Variants in SPINK5 observed in about 807,000 individuals in gnomAD.
SPINK5 encodes serine peptidase inhibitor Kazal type 5, also known as serine protease inhibitor Kazal-type 5.
Under a neutral mutation model 151.8 loss-of-function variants are expected in SPINK5, and 125 were observed. The ratio of observed to expected loss-of-function variants is 0.82; its 90% confidence interval spans 0.71 to 0.96. The LOEUF (loss-of-function observed/expected upper bound fraction) is 0.96, where lower values mean the gene tolerates loss of function less well. Ranked by LOEUF, SPINK5 falls within the 40% of genes least tolerant of loss-of-function variation. SPINK5 has a pLI of 0.00. For synonymous variants in SPINK5, 374 were observed against 395.3 expected, an observed-to-expected ratio of 0.95 and a Z score of 0.64; for missense variants, 1,194 against 1,291.9, an observed-to-expected ratio of 0.92 and a Z score of 1.16.
At chr5:148,102,030 C>A in intron 15 of SPINK5, 122 bp downstream of exon 15, 1 of 1,422,996 alleles carries the variant, frequency 7.0e-7, no homozygotes, top group Non-Finnish European at 9.7e-7. Context: ...TCTTGGGTGT[C>A]ATATTTAAAT....
At chr5:148,084,612 T>C (rs142721308) in intron 4 of SPINK5, among the ~76,000 whole-genome samples, 15 of 152,038 alleles carry the variant, frequency 9.9e-5, no homozygotes, top group South Asian at 2.1e-4. Context: ...TTGTTTTGAG[T>C]TAATTACTTT....
intron 1 of SPINK5, 93 bp downstream of exon 1, chr5:148,064,192 T>C: frequency 1.5e-6 from 2 of 1,323,694 alleles, no homozygotes; most frequent in Non-Finnish European, 2.2e-6. Context: ...CAAAAAATGT[T>C]TACGTATGCA....
intron 28 of SPINK5, chr5:148,125,476 A>C (rs1422452984): frequency 1.3e-6 from 2 of 1,548,378 alleles, no homozygotes; most frequent in African/African-American, 2.7e-5. Flanking sequence ...GGAGAAAAAA[A>C]CAGGAAGGTC....
At chr5:148,074,772 G>A (rs1259901892) in intron 4 of SPINK5, among the ~76,000 whole-genome samples, 1 of 151,660 alleles carries the variant, frequency 6.6e-6, no homozygotes, top group East Asian at 1.9e-4. Context: ...CTAAACTCAT[G>A]AGCATAGAAT....
intron 2 of SPINK5, among the ~76,000 whole-genome samples, chr5:148,068,578 A>AAGAAAG (rs1554101971): frequency 4.0e-5 from 3 of 74,390 alleles, no homozygotes; most frequent in Non-Finnish European, 6.7e-5. Flanking sequence ...AAAAAAAAAA[A>AAGAAAG]AAAGAAAGAA....
intron 4 of SPINK5, 78 bp downstream of exon 4, chr5:148,072,298 A>G: frequency 1.4e-6 from 2 of 1,458,956 alleles, no homozygotes; most frequent in Non-Finnish European, 1.9e-6. Flanking sequence ...TTATTCCTTA[A>G]TTACTAGGTC....
At chr5:148,088,464 C>A in intron 5 of SPINK5, 78 bp from the exon 6 acceptor site, 1 of 1,236,638 alleles carries the variant, frequency 8.1e-7, no homozygotes, top group Non-Finnish European at 1.2e-6. Flanking sequence ...AATGACAATG[C>A]AATGTAGAGC....
At chr5:148,135,659 A>G (rs1252476666) in intron 32 of SPINK5, among the ~76,000 whole-genome samples, 1 of 151,022 alleles carries the variant, frequency 6.6e-6, no homozygotes, top group African/African-American at 2.4e-5. Flanking sequence ...GATCTCGGGT[A>G]CAGTTGGTAC....
At position 148,112,989 on chromosome 5, in the gene SPINK5, C is replaced by G. The variant is rs1362414000; in HGVS notation, c.1887+55C>G. ...GAAAGGATGAGATTTTGCAGTATCT[C>G]TGTAAAAATAACTATGGAATTACTG... On this transcript the variant is annotated intron_variant, in intron 20 of 32. Transcript: ENST00000256084. 3 of 1,604,618 alleles carry G rather than the reference C, an allele frequency of 1.9e-6. No homozygotes were observed. In the African/African-American group the frequency reaches 4.0e-5, roughly 21 times the overall value.
intron 26 of SPINK5, among the ~76,000 whole-genome samples, chr5:148,123,414 T>TTATATATAGATAGATATTATCTATCTATA (rs1554106759): frequency 1.5e-5 from 2 of 134,954 alleles, no homozygotes; most frequent in African/African-American, 5.7e-5. Context: ...ATATAATATA[T>TTATATATAGATAGATATTATCTATCTATA]TATATATATA....
At chr5:148,076,517 T>TA (rs534676044) in intron 4 of SPINK5, among the ~76,000 whole-genome samples, 7 of 151,734 alleles carry the variant, frequency 4.6e-5, no homozygotes, top group Non-Finnish European at 8.8e-5. Flanking sequence ...TTAGTGAGGT[T>TA]AAAAAAATGT....
intron 10 of SPINK5, 133 bp downstream of exon 10, chr5:148,096,038 G>T: frequency 1.4e-6 from 1 of 706,370 alleles, no homozygotes; most frequent in Non-Finnish European, 2.4e-6. Context: ...TAGGTTTGCT[G>T]GAAACTAATT....
rs765752936 is a variant in SPINK5, at chr5:148,101,817, G to C, written c.1339G>C (p.Gly447Arg). Residue 447 changes from glycine to arginine, a missense_variant, in exon 15 of 33, where the codon GGA becomes CGA. By Grantham distance (125) the Gly-to-Arg change is moderately radical (BLOSUM62 -2). Coordinates refer to ENST00000256084, the MANE Select transcript of SPINK5 (RefSeq NM_006846.4). ...TGAATACCGCAAATCCAGGAAAAAC[G>C]GACGGCTTTTTTGCACCAGAGAGAA... ...CSEYRKSRKN[G>R]RLFCTRENDP... 3.1e-6 allele frequency: 5 copies of C among 1,613,720 alleles called. No individual in the cohort carries two copies. The South Asian group carries it at 5.5e-5, about 18-fold the overall frequency.
At chr5:148,090,962 A>G (rs1581069542) in intron 7 of SPINK5, 2 of 574,450 alleles carry the variant, frequency 3.5e-6, no homozygotes, top group Non-Finnish European at 6.2e-6. Flanking sequence ...AGTTTCCCAG[A>G]TAAGCTATTG....
intron 22 of SPINK5, among the ~76,000 whole-genome samples, chr5:148,117,903 G>A (rs1257053404): frequency 6.6e-6 from 1 of 152,026 alleles, no homozygotes; most frequent in Non-Finnish European, 1.5e-5. Flanking sequence ...ATTTCCTTGT[G>A]TAGATCCTTA....
intron 18 of SPINK5, among the ~76,000 whole-genome samples, chr5:148,111,492 A>G (rs959886041): frequency 2.0e-5 from 3 of 152,276 alleles, no homozygotes; most frequent in South Asian, 2.1e-4. Flanking sequence ...TCCTTTACCA[A>G]TTTAAGAGGC....
intron 26 of SPINK5, among the ~76,000 whole-genome samples, chr5:148,121,134 ACT>A (rs1754248901): frequency 1.0e-5 from 1 of 99,906 alleles, no homozygotes; most frequent in African/African-American, 3.7e-5. Context: ...ACAGAGCAAG[ACT>A]CTGTCTCAAA....
chr5:148,126,900 AT>A, intron 29 of SPINK5, 82 bp from the exon 30 acceptor site: 1 of 1,245,384 alleles, frequency 8.0e-7, no homozygotes, highest in Non-Finnish European at 1.1e-6. Context: ...CCTCTGTCAC[AT>A]TTTATGAGGA....
chr5:148,068,554 CAAAAAAAAAAAAAAAAAA>C (rs1166912306), intron 2 of SPINK5, among the ~76,000 whole-genome samples: 2 of 89,232 alleles, frequency 2.2e-5, no homozygotes, highest in African/African-American at 9.1e-5. Flanking sequence ...CCTGCCTCTC[CAAAAAAAAAAAAAAAAAA>C]AAAAAAAAAG....
Sources: gnomAD v4.1 joint callset for allele counts (sites outside exome capture counted in the v4.1 genomes callset) on GRCh38, gnomAD v4.1.1 for gene constraint, MANE v1.5 for transcripts, NCBI Gene and HGNC (gene_info 2026-07-23, HGNC 2026-07-21) for gene names.